CELF4: variants seen among roughly 807,000 people sequenced by gnomAD.
The protein encoded by CELF4 is CUG-BP- and ETR-3-like factor 4.
CELF4 carries 18 observed loss-of-function variants against 59.9 expected under a neutral mutation model. The observed-to-expected ratio is 0.30, with a 90% CI of 0.21 to 0.45. The LOEUF (loss-of-function observed/expected upper bound fraction) is 0.45, where lower values mean the gene tolerates loss of function less well. Among genes scored for constraint, CELF4 ranks in the 20% least tolerant of loss-of-function variants. The pLI, the probability that CELF4 is intolerant of heterozygous loss-of-function variation, is 1.00. For missense variants in CELF4, 456 were observed against 689.0 expected (o/e 0.66, Z 3.79); for synonymous variants, 261 against 267.1 (o/e 0.98, Z 0.22).
chr18:37,461,560 G>A (rs1055969973), intron 2 of CELF4, among the ~76,000 whole-genome samples: 1 of 152,200 alleles, frequency 6.6e-6, no homozygotes, highest in Non-Finnish European at 1.5e-5. Context: ...GGGGATAATG[G>A]GAACTACAAT....
chr18:37,462,924 G>GT (rs1253636739), intron 2 of CELF4, among the ~76,000 whole-genome samples: 1 of 151,960 alleles, frequency 6.6e-6, no homozygotes, highest in African/African-American at 2.4e-5. Context: ...GGGCACCCTT[G>GT]TTTTAGATAA....
intron 9 of CELF4, among the ~76,000 whole-genome samples, chr18:37,266,046 T>C (rs528754263): frequency 2.0e-5 from 3 of 152,226 alleles, no homozygotes; most frequent in Non-Finnish European, 2.9e-5. Flanking sequence ...TGGGGCCCCA[T>C]CCTGCTGCCA....
At position 37,272,572 on chromosome 18, in the gene CELF4, G is replaced by GACAA. The variant is rs1248401139; in HGVS notation, c.949+443_949+444insTTGT. The stretch of plus-strand genomic sequence containing the variant: ...AGTCTAGATTGGGTTAAAGGGAAAT[G>GACAA]AAAAAAAAAAAAAAAAAAAAAAGAC... On this transcript the variant is annotated intron_variant, in intron 7 of 12. Transcript: ENST00000420428. 1.2e-3 allele frequency among the ~76,000 whole-genome samples: 123 copies of GACAA among 104,928 alleles called. 2 individuals carry two copies. Among genetic ancestry groups the GACAA allele is most frequent in the African/African-American group, 4.2e-3 (120 of 28,386 alleles). The allele number at this position is 104,928 out of a possible 152,430, so 68.8% of individuals were successfully genotyped here.
intron 7 of CELF4, among the ~76,000 whole-genome samples, chr18:37,271,762 G>T (rs972001332): frequency 3.9e-5 from 6 of 152,196 alleles, no homozygotes; most frequent in African/African-American, 1.4e-4. Flanking sequence ...ACACAAAGTA[G>T]ACACCTTGGC....
chr18:37,341,199 T>C (rs1438763391), intron 2 of CELF4, among the ~76,000 whole-genome samples: 1 of 152,190 alleles, frequency 6.6e-6, no homozygotes, highest in African/African-American at 2.4e-5. Context: ...TCCATGGGTG[T>C]GGCTGTGTGT....
Position 37,274,894 on chromosome 18 carries a change from C to T in CELF4, c.578-10G>A, listed in dbSNP as rs758892352. Reference sequence around the variant, plus strand: ...TTCACAAAGGCGCACCCTGCGAGGACGCGAGAGGCCGAGCTGGGACCCAGA... The same window carrying T: ...TTCACAAAGGCGCACCCTGCGAGGATGCGAGAGGCCGAGCTGGGACCCAGA... On this transcript the variant is annotated splice_polypyrimidine_tract_variant and intron_variant, in intron 4 of 12. Coordinates refer to ENST00000420428, the MANE Select transcript of CELF4 (RefSeq NM_020180.4). 6.7e-5 allele frequency: 107 copies of T among 1,603,764 alleles called. No homozygotes were observed. The highest frequency in any genetic ancestry group is 8.8e-5 in the Non-Finnish European group (104 of 1,175,956).
chr18:37,445,396 G>A (rs1317042683), intron 2 of CELF4, among the ~76,000 whole-genome samples: 5 of 151,964 alleles, frequency 3.3e-5, no homozygotes, highest in Non-Finnish European at 7.4e-5. Context: ...TGGGTTTGGG[G>A]TCTGCTGCTG....
chr18:37,485,207 G>C (rs1310542595), intron 2 of CELF4, among the ~76,000 whole-genome samples: 1 of 151,854 alleles, frequency 6.6e-6, no homozygotes, highest in Non-Finnish European at 1.5e-5. Flanking sequence ...CTCGATGGGC[G>C]GACTCGATCG....
At chr18:37,565,091 C>G (rs2099987789) in intron 1 of CELF4, among the ~76,000 whole-genome samples, 1 of 151,950 alleles carries the variant, frequency 6.6e-6, no homozygotes. Context: ...CTCCTCGATC[C>G]CCTCTCTCTT....
At chr18:37,336,527 C>A (rs1398343397) in intron 2 of CELF4, among the ~76,000 whole-genome samples, 4 of 152,182 alleles carry the variant, frequency 2.6e-5, no homozygotes, top group Non-Finnish European at 5.9e-5. Context: ...CAAGCCCAGG[C>A]CCCCAGGACA....
intron 1 of CELF4, chr18:37,486,108 A>C (rs1184576645): frequency 6.6e-6 from 1 of 152,276 alleles, no homozygotes; most frequent in Admixed American, 6.5e-5. Context: ...GTCTGTAAGG[A>C]GGACCCCAAG....
chr18:37,287,878 T>C (rs1204764067), intron 3 of CELF4, among the ~76,000 whole-genome samples: 1 of 152,204 alleles, frequency 6.6e-6, no homozygotes, highest in Non-Finnish European at 1.5e-5. Context: ...AGAAAGCAGA[T>C]AGATTTATGA....
At chr18:37,534,422 C>G (rs1327287569) in intron 1 of CELF4, among the ~76,000 whole-genome samples, 1 of 152,174 alleles carries the variant, frequency 6.6e-6, no homozygotes, top group Non-Finnish European at 1.5e-5. Flanking sequence ...ACCGGCACCA[C>G]TGCACTAGCC....
chr18:37,465,364 G>T (rs936038516), intron 2 of CELF4, among the ~76,000 whole-genome samples: 1 of 152,174 alleles, frequency 6.6e-6, no homozygotes, highest in African/African-American at 2.4e-5. Context: ...TCACTAATGA[G>T]ACACAACACG....
At chr18:37,499,122 C>T (rs1299944741) in intron 1 of CELF4, among the ~76,000 whole-genome samples, 4 of 152,190 alleles carry the variant, frequency 2.6e-5, no homozygotes, top group African/African-American at 9.7e-5. Context: ...GGACAGGGAC[C>T]TCATTGCACT....
intron 2 of CELF4, among the ~76,000 whole-genome samples, chr18:37,472,779 A>G (rs2099837304): frequency 6.6e-6 from 1 of 152,162 alleles, no homozygotes; most frequent in African/African-American, 2.4e-5. Context: ...GAAGGGAGAA[A>G]TTGGGAGGCC....
At chr18:37,425,767 T>G (rs919738981) in intron 2 of CELF4, among the ~76,000 whole-genome samples, 4 of 152,248 alleles carry the variant, frequency 2.6e-5, no homozygotes, top group Admixed American at 2.6e-4. Flanking sequence ...TACAGCTGCT[T>G]GGCGAAAGCC....
intron 12 of CELF4, among the ~76,000 whole-genome samples, chr18:37,250,630 G>C (rs1221265459): frequency 6.6e-6 from 1 of 152,112 alleles, no homozygotes; most frequent in Non-Finnish European, 1.5e-5. Context: ...CCCTTTACTG[G>C]CCTGTGATAC....
chr18:37,461,657 C>T (rs1217452824), intron 2 of CELF4, among the ~76,000 whole-genome samples: 1 of 152,210 alleles, frequency 6.6e-6, no homozygotes, highest in East Asian at 1.9e-4. Flanking sequence ...CAAGGCATCT[C>T]AGGCAGCCAG....
Sources: gnomAD v4.1 joint callset for allele counts (sites outside exome capture counted in the v4.1 genomes callset) on GRCh38, gnomAD v4.1.1 for gene constraint, MANE v1.5 for transcripts, NCBI Gene and HGNC (gene_info 2026-07-23, HGNC 2026-07-21) for gene names.